The following CRACDL variants were observed in gnomAD, a reference collection of about 807,000 sequenced individuals.
CRACDL encodes CRACD-like protein.
Under a neutral mutation model 70.6 loss-of-function variants are expected in CRACDL, and 26 were observed. The observed-to-expected ratio is 0.37, with a 90% CI of 0.27 to 0.51. The LOEUF is 0.51. Among genes scored for constraint, CRACDL ranks in the 20% least tolerant of loss-of-function variants. The probability of loss-of-function intolerance (pLI) is 0.94; values close to 1 mark genes in which losing one functional copy is unlikely to be tolerated. For missense variants in CRACDL, 1,283 were observed against 1,376.9 expected (o/e 0.93, Z 1.08); for synonymous variants, 618 against 615.2 (o/e 1.00, Z -0.07).
At chr2:98,930,958 G>T (rs1709058036) in intron 1 of CRACDL, among the ~76,000 whole-genome samples, 1 of 152,108 alleles carries the variant, frequency 6.6e-6, no homozygotes, top group Non-Finnish European at 1.5e-5. Context: ...GTGTGTGTGT[G>T]TGTGTGTCTA....
intron 2 of CRACDL, among the ~76,000 whole-genome samples, 189 bp downstream of exon 2, chr2:98,846,542 C>T (rs192722915): frequency 1.9e-3 from 284 of 152,280 alleles, no homozygotes; most frequent in African/African-American, 6.4e-3. Flanking sequence ...AAATCTGCCC[C>T]GAGCAGCCTT....
chr2:98,923,541 A>G (rs530922940), intron 1 of CRACDL, among the ~76,000 whole-genome samples: 1 of 152,218 alleles, frequency 6.6e-6, no homozygotes, highest in Non-Finnish European at 1.5e-5. Context: ...AGAGGCTACA[A>G]ATATTAATTA....
At chr2:98,854,845 A>G (rs1363252052) in intron 1 of CRACDL, among the ~76,000 whole-genome samples, 1 of 152,246 alleles carries the variant, frequency 6.6e-6, no homozygotes, top group East Asian at 1.9e-4. Context: ...AATAGAAGCA[A>G]TATATGATCC....
At chr2:98,917,668 A>G (rs1457301803) in intron 1 of CRACDL, among the ~76,000 whole-genome samples, 1 of 152,238 alleles carries the variant, frequency 6.6e-6, no homozygotes, top group Non-Finnish European at 1.5e-5. Context: ...GTATACATTT[A>G]AAGGGTACAA....
At chr2:98,894,671 T>C (rs543613060) in intron 1 of CRACDL, among the ~76,000 whole-genome samples, 2 of 152,228 alleles carry the variant, frequency 1.3e-5, no homozygotes, top group East Asian at 3.9e-4. Context: ...TCAGCCTCTG[T>C]CCTCTCCCTG....
chr2:98,876,530 TG>T (rs1015484762), intron 1 of CRACDL, among the ~76,000 whole-genome samples: 1 of 152,194 alleles, frequency 6.6e-6, no homozygotes, highest in African/African-American at 2.4e-5. Context: ...GTGAGGGATC[TG>T]GGTTGCACAC....
chr2:98,895,929 C>T lies in CRACDL; in HGVS notation c.-11+40009G>A, dbSNP rs1708111674. Among the ~76,000 whole-genome samples, 5 of 152,250 alleles carry T rather than the reference C, an allele frequency of 3.3e-5. 1 individual carries two copies. Among genetic ancestry groups the T allele is most frequent in the African/African-American group, 1.2e-4 (5 of 41,544 alleles). The stretch of plus-strand genomic sequence containing the variant: ...TTGCCCCTTCCACCATGAGAGGACA[C>T]AGCAGGAAGGTGCTACCTACGAACC... On this transcript the variant is annotated intron_variant, in intron 1 of 9. Coordinates refer to ENST00000397899, the MANE Select transcript of CRACDL (RefSeq NM_207362.3).
rs77136356 is a variant in CRACDL, at chr2:98,794,731, A to C, written c.2750-60T>G. ...GAGCAGTGACTTCGAATTTTCCCTT[A>C]AGCCTCTTGTGTTTCTCGAACTAGA... On this transcript the variant is annotated intron_variant, in intron 9 of 9. Transcript: ENST00000397899. 50 of 1,497,604 alleles carry C rather than the reference A, an allele frequency of 3.3e-5. 1 individual carries two copies. In the African/African-American group the frequency reaches 6.5e-4, roughly 19 times the overall value. 92.8% of individuals were successfully genotyped at this position (1,497,604 alleles called of 1,614,324 possible). A position where few individuals can be genotyped will look rare whatever the true frequency, so the allele number is the denominator to read the frequency against.
chr2:98,824,166 T>G (rs1705211865), intron 6 of CRACDL, among the ~76,000 whole-genome samples: 1 of 152,158 alleles, frequency 6.6e-6, no homozygotes, highest in African/African-American at 2.4e-5. Flanking sequence ...TCAGCTAAAT[T>G]TAAAGTCCTA....
intron 2 of CRACDL, among the ~76,000 whole-genome samples, chr2:98,839,164 A>C (rs529478624): frequency 6.6e-6 from 1 of 152,164 alleles, no homozygotes; most frequent in Non-Finnish European, 1.5e-5. Flanking sequence ...AAAACCCAGG[A>C]TCTTTCTGTT....
At chr2:98,816,872 G>T (rs1283114216) in intron 7 of CRACDL, among the ~76,000 whole-genome samples, 1 of 152,184 alleles carries the variant, frequency 6.6e-6, no homozygotes, top group Non-Finnish European at 1.5e-5. Context: ...CAAAATAACT[G>T]AAATCGGAAT....
chr2:98,812,018 A>C (rs1047366974), intron 7 of CRACDL, among the ~76,000 whole-genome samples: 1 of 152,216 alleles, frequency 6.6e-6, no homozygotes, highest in Admixed American at 6.5e-5. Flanking sequence ...TCTGTCACCC[A>C]GGCTGGAGTT....
chr2:98,823,118 C>T lies in CRACDL; in HGVS notation c.1155G>A (p.Thr385=). Residue 385 remains threonine (T), a synonymous_variant, in exon 7 of 10, where the codon ACG becomes ACA. Coordinates refer to ENST00000397899, the MANE Select transcript of CRACDL (RefSeq NM_207362.3). The surrounding 1 kb of genome is among the most constrained non-coding windows in gnomAD (Gnocchi z 4.0). ...CACAGACCACCTCCTCCGCCTTGTC[C>T]GTGGCCGGGGCACACGGGCCTGCGG... The part of the protein sequence containing the change: ...APPAGPCAPA[T]DKAEEVVCAP... 6.4e-7 allele frequency: 1 copy of T among 1,574,452 alleles called. No homozygotes were observed.
At chr2:98,850,167 A>G (rs1706424114) in intron 1 of CRACDL, among the ~76,000 whole-genome samples, 1 of 152,226 alleles carries the variant, frequency 6.6e-6, no homozygotes, top group African/African-American at 2.4e-5. Flanking sequence ...CTGGCTTTCC[A>G]GCTGACCCCT....
chr2:98,816,133 G>C (rs1704775981), intron 7 of CRACDL, among the ~76,000 whole-genome samples: 1 of 152,192 alleles, frequency 6.6e-6, no homozygotes, highest in Non-Finnish European at 1.5e-5. Flanking sequence ...GCAGAGCGCA[G>C]AGGTGTTACT....
In CRACDL at chr2:98,821,851, T is replaced by C; in HGVS notation, c.2416+6A>G. The stretch of plus-strand genomic sequence containing the variant: ...TGCCCTTCCCGCACCCTCGGCGGGC[T>C]CTTACCAGCTCCCCTGCGCAGCGGC... On this transcript the variant is annotated splice_donor_region_variant and intron_variant, in intron 7 of 9. Transcript: ENST00000397899. 1 of 1,607,246 alleles carries C rather than the reference T, an allele frequency of 6.2e-7. No homozygotes were observed. Among genetic ancestry groups the C allele is most frequent in the Non-Finnish European group, 8.5e-7 (1 of 1,178,750 alleles).
rs1553399268 is a variant in CRACDL at position 98,889,340 on chromosome 2, A to AAAGG, written c.-10-42534_-10-42531dup. 1.7e-3 allele frequency among the ~76,000 whole-genome samples: 217 copies of AAAGG among 128,174 alleles called. 1 individual carries two copies. Among genetic ancestry groups the AAAGG allele is most frequent in the African/African-American group, 2.0e-3 (71 of 34,760 alleles). 84.1% of individuals were successfully genotyped at this position (128,174 alleles called of 152,430 possible). ...GAAAGAAAGAAAGAAAGAAAGAAAG[A>AAAGG]AAGGAAACAGTAACCAAAACAGAGC... On this transcript the variant is annotated intron_variant, in intron 1 of 9. Transcript: ENST00000397899.
chr2:98,899,412 AAG>A (rs1472046529), intron 1 of CRACDL, among the ~76,000 whole-genome samples: 2 of 152,240 alleles, frequency 1.3e-5, no homozygotes, highest in African/African-American at 2.4e-5. Flanking sequence ...CTCCACCAGA[AAG>A]AGAAGAATGT....
In CRACDL at chr2:98,822,987, T is replaced by A. The variant is rs1417623888; in HGVS notation, c.1286A>T (p.Asp429Val). The change falls in exon 7 of 10, where the codon GAC (aspartate) becomes GTC (valine). Residue 429 changes from aspartate (D) to valine (V), a missense_variant. Physicochemically the swap from Asp to Val is radical, Grantham distance 152 (BLOSUM62 -3). Coordinates refer to ENST00000397899, the MANE Select transcript of CRACDL (RefSeq NM_207362.3). This position sits in a 1 kb window ranked among gnomAD's most constrained non-coding sequence, Gnocchi z 4.9. The stretch of plus-strand genomic sequence containing the variant: ...CTTCGGGACACTGCGTTCTGGCCCG[T>A]CGCGAGCAGAGGGCGCCTCTGAGGT... ...AATSEAPSAR[D>V]GPERSVPKEA... The A allele has an allele frequency of 6.7e-7, 1 of 1,490,348 alleles. No individual in the cohort carries two copies. Among genetic ancestry groups the A allele is most frequent in the Non-Finnish European group, 8.9e-7 (1 of 1,120,100 alleles). The allele number at this position is 1,490,348 out of a possible 1,614,324, so 92.3% of individuals were successfully genotyped here. A position where few individuals can be genotyped will look rare whatever the true frequency, so the allele number is the denominator to read the frequency against.
Sources: gnomAD v4.1 joint callset for allele counts (sites outside exome capture counted in the v4.1 genomes callset) on GRCh38, gnomAD v4.1.1 for gene constraint, Gnocchi (gnomAD v3.1) non-coding constraint, MANE v1.5 for transcripts, NCBI Gene and HGNC (gene_info 2026-07-23, HGNC 2026-07-21) for gene names.